Variants in TFR2 observed in about 807,000 individuals in gnomAD.
TFR2 encodes the protein transferrin receptor protein 2.
A neutral mutation model predicts 91.9 loss-of-function variants in TFR2; 64 were observed. The ratio of observed to expected loss-of-function variants is 0.70; its 90% CI spans 0.57 to 0.86. The LOEUF (loss-of-function observed/expected upper bound fraction) is 0.86. Among genes scored for constraint, TFR2 ranks in the 40% least tolerant of loss-of-function variants. The probability of loss-of-function intolerance (pLI) is 0.00; values close to 1 mark genes in which losing one functional copy is unlikely to be tolerated. For synonymous variants in TFR2, 454 were observed against 459.6 expected (o/e 0.99, Z 0.15); for missense variants, 950 against 1,080.5 (o/e 0.88, Z 1.69).
At chr7:100,625,243 G>C (rs1803224556) in intron 17 of TFR2, among the ~76,000 whole-genome samples, 2 of 151,768 alleles carry the variant, frequency 1.3e-5, no homozygotes. Context: ...ATTTTTAGTA[G>C]AGACGGGGTT....
Position 100,620,764 on chromosome 7 carries a change from G to A in TFR2, c.*93C>T. 1 of 1,558,072 alleles carries A rather than the reference G, an allele frequency of 6.4e-7. No individual in the cohort carries two copies. Among genetic ancestry groups the A allele is most frequent in the East Asian group, 2.3e-5 (1 of 44,138 alleles). On this transcript the variant is annotated 3_prime_UTR_variant, in exon 18 of 18. Transcript: ENST00000223051. Reference sequence around the variant, plus strand: ...GAGAAATTGATCAGCAATGAGAGGTGGACTCTGAGCCACCTCCCTGACCCT... The same window carrying A: ...GAGAAATTGATCAGCAATGAGAGGTAGACTCTGAGCCACCTCCCTGACCCT...
chr7:100,635,664 A>G (rs1362812271), intron 3 of TFR2, among the ~76,000 whole-genome samples: 2 of 152,000 alleles, frequency 1.3e-5, no homozygotes, highest in African/African-American at 4.8e-5. Context: ...GTGTTTCACC[A>G]TGTTGGCCAG....
chr7:100,638,955 C>G (rs947881009), intron 3 of TFR2, among the ~76,000 whole-genome samples: 1 of 152,054 alleles, frequency 6.6e-6, no homozygotes, highest in Admixed American at 6.6e-5. Context: ...GACTCAAGGT[C>G]TTTCAGCAGG....
rs749184953 is a variant in TFR2, at chr7:100,620,908, C to T, written c.2355G>A (p.Gly785=). 2.5e-6 allele frequency: 4 copies of T among 1,613,972 alleles called. No homozygotes were observed. The highest frequency in any genetic ancestry group is 3.4e-6 in the Non-Finnish European group (4 of 1,179,922). ...CATCCCCGCTAAGCGCATTGGCTGC[C>T]CCTTGCAGCGTCCAGGTGAGCAGGG... is the stretch of plus-strand genomic sequence containing the variant. ...QLALLTWTLQ[G]AANALSGDVW... is the part of the protein sequence containing the mutation. Residue 785 remains glycine (G), a synonymous_variant, in exon 18 of 18, where the codon GGG becomes GGA. Coordinates refer to ENST00000223051, the MANE Select transcript of TFR2 (RefSeq NM_003227.4).
rs41295903 is a variant in TFR2 at position 100,627,986 on chromosome 7, G to A, written c.1538-12C>T. 6.2e-7 allele frequency: 1 copy of A among 1,613,954 alleles called. No individual in the cohort carries two copies. The highest frequency in any genetic ancestry group is 1.3e-5 in the African/African-American group (1 of 74,900). ...AAACTTGTCATCCCCTGGAAAAAGG[G>A]GAGGGGAGGGATGCCAGGCTCAGGG... On this transcript the variant is annotated splice_polypyrimidine_tract_variant and intron_variant, in intron 12 of 17. Transcript: ENST00000223051.
chr7:100,634,915 A>ACTTTT (rs1232181150), intron 3 of TFR2, among the ~76,000 whole-genome samples: 1 of 150,198 alleles, frequency 6.7e-6, no homozygotes, highest in Non-Finnish European at 1.5e-5. Flanking sequence ...TTCTTTACAC[A>ACTTTT]CTTTTCTTTT....
chr7:100,629,847 G>T (rs966187276), intron 9 of TFR2, among the ~76,000 whole-genome samples: 1 of 152,158 alleles, frequency 6.6e-6, no homozygotes, highest in African/African-American at 2.4e-5. Flanking sequence ...CCGGGTTCAC[G>T]CCATTCTCCT....
intron 2 of TFR2, 21 bp downstream of exon 2, chr7:100,640,955 G>A: frequency 1.9e-6 from 3 of 1,612,974 alleles, no homozygotes; most frequent in Non-Finnish European, 2.5e-6. Flanking sequence ...CTTCACTTCT[G>A]GGGAGGGGGA....
intron 8 of TFR2, among the ~76,000 whole-genome samples, 200 bp from the exon 9 acceptor site, chr7:100,631,252 T>C (rs1235008874): frequency 7.3e-5 from 11 of 151,564 alleles, no homozygotes; most frequent in Non-Finnish European, 1.2e-4. Context: ...GTGGGAACTT[T>C]AGTTGCCAGA....
chr7:100,620,420 T>A lies in TFR2; in HGVS notation c.*437A>T, dbSNP rs544340669. 7 of 168,774 alleles carry A rather than the reference T, an allele frequency of 4.1e-5. No individual in the cohort carries two copies. The South Asian group carries it at 1.1e-3, about 26-fold the overall frequency. 10.5% of individuals were successfully genotyped at this position (168,774 alleles called of 1,614,324 possible). ...TCAATAACAGATGTCAACAGGTGGC[T>A]TATTGATATCAGGTGGTTTATTGAT... On this transcript the variant is annotated 3_prime_UTR_variant, in exon 18 of 18. Coordinates refer to ENST00000223051, the MANE Select transcript of TFR2 (RefSeq NM_003227.4).
chr7:100,638,787 G>T (rs1803631241), intron 3 of TFR2, among the ~76,000 whole-genome samples: 2 of 151,732 alleles, frequency 1.3e-5, no homozygotes, highest in Admixed American at 1.3e-4. Context: ...GGGCATAGTG[G>T]CACACATCTG....
At position 100,631,928 on chromosome 7, in the gene TFR2, T is replaced by G. The variant is rs372774524; in HGVS notation, c.984A>C (p.Gly328=). The change falls in exon 8 of 18, where the codon GGA becomes GGC. Residue 328 remains glycine, a synonymous_variant. Transcript: ENST00000223051. ...AVYGHVHLGT[G]DPYTPGFPSF... ...AAGGGAAGCCAGGTGTGTAGGGGTC[T>G]CCAGTTCCCAGGTGCACCTGCAGGG... 1.9e-6 allele frequency: 3 copies of G among 1,613,842 alleles called. No individual in the cohort carries two copies. Among genetic ancestry groups the G allele is most frequent in the African/African-American group, 2.7e-5 (2 of 74,876 alleles).
At chr7:100,633,204 C>G in intron 5 of TFR2, 25 bp downstream of exon 5, 1 of 1,613,482 alleles carries the variant, frequency 6.2e-7, no homozygotes, top group Non-Finnish European at 8.5e-7. Context: ...GCGCCCCATC[C>G]TAGGAGCGGG....
rs748879574 is a variant in TFR2, at chr7:100,627,273, C to T, written c.1986G>A (p.Gly662=). Reference sequence around the variant, plus strand: ...GGTGGGCCTCTTGAACCTTGAGGTCCCCAGAGAACTCGTTGAGGTTCCCGA... The same window carrying T: ...GGTGGGCCTCTTGAACCTTGAGGTCTCCAGAGAACTCGTTGAGGTTCCCGA... ...RHIGNLNEFS[G]DLKARGLTLQ... is the part of the protein sequence containing the mutation. Residue 662 remains glycine (G), a synonymous_variant, in exon 16 of 18, where the codon GGG becomes GGA. Transcript: ENST00000223051. 6.5e-7 allele frequency: 1 copy of T among 1,549,132 alleles called. No homozygotes were observed. Among genetic ancestry groups the T allele is most frequent in the Non-Finnish European group, 8.7e-7 (1 of 1,146,760 alleles).
chr7:100,626,797 C>A lies in TFR2; in HGVS notation c.2102G>T (p.Arg701Leu), dbSNP rs533702542. The change falls in exon 17 of 18, where the codon CGA becomes CTA. Residue 701 changes from arginine (R) to leucine (L), a missense_variant. Arg to Leu is a moderately radical substitution (Grantham distance 102, BLOSUM62 -2). Coordinates refer to ENST00000223051, the MANE Select transcript of TFR2 (RefSeq NM_003227.4). Reference protein sequence around the residue: ...EIYSSEERDERLTRMYNVRIM... With the variant: ...EIYSSEERDELLTRMYNVRIM... ...GCGCACGTTGTACATGCGTGTCAGTCGCTCGTCTCTCTCCTCCGAGCTGTA... is the reference window on the plus strand; with the variant it reads ...GCGCACGTTGTACATGCGTGTCAGTAGCTCGTCTCTCTCCTCCGAGCTGTA... 5.2e-6 allele frequency: 8 copies of A among 1,548,378 alleles called. No homozygotes were observed. Among genetic ancestry groups the A allele is most frequent in the Admixed American group, 2.0e-5 (1 of 51,004 alleles).
chr7:100,631,158 C>A, intron 8 of TFR2, 106 bp from the exon 9 acceptor site: 2 of 1,303,570 alleles, frequency 1.5e-6, no homozygotes, highest in Non-Finnish European at 2.0e-6. Flanking sequence ...GGCTCCAGAT[C>A]GCTGCCTCTG....
intron 17 of TFR2, among the ~76,000 whole-genome samples, chr7:100,621,688 C>T (rs543587603): frequency 6.6e-6 from 1 of 152,308 alleles, no homozygotes; most frequent in East Asian, 1.9e-4. Flanking sequence ...ACCACACCTC[C>T]CCACACCGAG....
intron 3 of TFR2, among the ~76,000 whole-genome samples, chr7:100,635,506 C>T (rs921166237): frequency 4.6e-5 from 7 of 151,104 alleles, no homozygotes; most frequent in South Asian, 2.1e-4. Context: ...AATGCAATGG[C>T]GCAATCTTGG....
At chr7:100,627,136 G>A in intron 16 of TFR2, 128 bp downstream of exon 16, 1 of 1,262,332 alleles carries the variant, frequency 7.9e-7, no homozygotes, top group Admixed American at 2.0e-5. Context: ...CTGGAGGCAG[G>A]GGGTTAATGG....
Sources: gnomAD v4.1 joint callset for allele counts (sites outside exome capture counted in the v4.1 genomes callset) on GRCh38, gnomAD v4.1.1 for gene constraint, MANE v1.5 for transcripts, NCBI Gene and HGNC (gene_info 2026-07-23, HGNC 2026-07-21) for gene names.